MBD5: variants seen among roughly 807,000 people sequenced by gnomAD.
The protein encoded by MBD5 is methyl-CpG-binding domain protein 5.
In MBD5, 13 loss-of-function variants were observed where a neutral mutation model predicts 117.3. The observed-to-expected ratio is 0.11, with a 90% CI of 0.07 to 0.18. MBD5 has a LOEUF of 0.18. Among genes scored for constraint, MBD5 ranks in the 10% least tolerant of loss-of-function variants. The probability of loss-of-function intolerance (pLI) is 1.00; values close to 1 mark genes in which losing one functional copy is unlikely to be tolerated. For missense variants in MBD5, 1,879 were observed against 2,093.8 expected (o/e 0.90, Z 2.00); for synonymous variants, 727 against 766.4 (o/e 0.95, Z 0.85).
chr2:148,420,070 C>T (rs1574404866), intron 4 of MBD5, among the ~76,000 whole-genome samples: 2 of 152,268 alleles, frequency 1.3e-5, no homozygotes, highest in African/African-American at 4.8e-5. Context: ...CCCATTATGA[C>T]ATTAACCTTT....
At chr2:148,272,410 A>G (rs1211637425) in intron 3 of MBD5, among the ~76,000 whole-genome samples, 1 of 152,172 alleles carries the variant, frequency 6.6e-6, no homozygotes, top group Admixed American at 6.6e-5. Flanking sequence ...CAGTGTACAA[A>G]CATTCTCATT....
intron 3 of MBD5, among the ~76,000 whole-genome samples, chr2:148,281,226 T>G (rs1701238254): frequency 2.0e-5 from 3 of 152,214 alleles, no homozygotes; most frequent in African/African-American, 7.2e-5. Context: ...TGTTAAGGCC[T>G]GTATCCTACA....
chr2:148,407,493 G>A (rs1179027916), intron 4 of MBD5, among the ~76,000 whole-genome samples: 2 of 152,084 alleles, frequency 1.3e-5, no homozygotes, highest in African/African-American at 2.4e-5. Context: ...AATGCCTGAT[G>A]TAAAACCGTG....
At chr2:148,098,703 T>A (rs1696127289) in intron 1 of MBD5, among the ~76,000 whole-genome samples, 1 of 152,130 alleles carries the variant, frequency 6.6e-6, no homozygotes, top group Admixed American at 6.6e-5. Flanking sequence ...AGAAGTCCCG[T>A]GGTGATTCTA....
chr2:148,302,632 G>T (rs1644878446), intron 3 of MBD5, among the ~76,000 whole-genome samples: 1 of 151,368 alleles, frequency 6.6e-6, no homozygotes, highest in Non-Finnish European at 1.5e-5. Context: ...GTTTTTGTTT[G>T]TTTTTTTTCT....
intron 8 of MBD5, among the ~76,000 whole-genome samples, chr2:148,476,093 T>C (rs1680954501): frequency 6.6e-6 from 1 of 152,154 alleles, no homozygotes; most frequent in Non-Finnish European, 1.5e-5. Context: ...AAGTCCGTAT[T>C]ATCTATCCAA....
chr2:148,325,048 T>C lies in MBD5; in HGVS notation c.-679-17166T>C, dbSNP rs550975664. Reference sequence around the variant, plus strand: ...TGTTGAGAGTTTTTAGCATGAAGGGTTGTTGAATTTTGTCACAGGCCTTTT... The same window carrying C: ...TGTTGAGAGTTTTTAGCATGAAGGGCTGTTGAATTTTGTCACAGGCCTTTT... On this transcript the variant is annotated intron_variant, in intron 3 of 13. Coordinates refer to ENST00000642680, the MANE Select transcript of MBD5 (RefSeq NM_001378120.1). 3.9e-5 allele frequency among the ~76,000 whole-genome samples: 6 copies of C among 152,248 alleles called. No homozygotes were observed. The East Asian group carries it at 1.2e-3, about 29-fold the overall frequency.
intron 3 of MBD5, among the ~76,000 whole-genome samples, chr2:148,276,155 A>T (rs1701107805): frequency 6.6e-6 from 1 of 152,058 alleles, no homozygotes; most frequent in East Asian, 1.9e-4. Context: ...CTACCAAAAA[A>T]CAAACAAACA....
At chr2:148,218,967 T>C (rs1699620190) in intron 2 of MBD5, among the ~76,000 whole-genome samples, 1 of 152,156 alleles carries the variant, frequency 6.6e-6, no homozygotes, top group African/African-American at 2.4e-5. Flanking sequence ...ATTTTAAAAG[T>C]TTTTTTCTAC....
At chr2:148,062,061 CATG>C (rs1171405434) in intron 1 of MBD5, 1 of 151,586 alleles carries the variant, frequency 6.6e-6, no homozygotes, top group Non-Finnish European at 1.5e-5. Context: ...ATTGCATTGT[CATG>C]ATGTCTGAAA....
intron 1 of MBD5, among the ~76,000 whole-genome samples, chr2:148,022,087 T>TGGTA (rs1472072317): frequency 6.6e-6 from 1 of 152,220 alleles, no homozygotes; most frequent in African/African-American, 2.4e-5. Flanking sequence ...AAAGCTCCAC[T>TGGTA]GCATTTGTTT....
At chr2:148,491,510 T>A (rs1373178197) in intron 11 of MBD5, among the ~76,000 whole-genome samples, 1 of 151,980 alleles carries the variant, frequency 6.6e-6, no homozygotes, top group African/African-American at 2.4e-5. Flanking sequence ...TCGTAAAGAG[T>A]GTATTGTATA....
chr2:148,365,495 G>C (rs1703668923), intron 4 of MBD5, among the ~76,000 whole-genome samples: 1 of 151,950 alleles, frequency 6.6e-6, no homozygotes, highest in African/African-American at 2.4e-5. Flanking sequence ...GATCAGAGCA[G>C]AACTGAAGGA....
In MBD5 at chr2:148,490,435, C is replaced by A; in HGVS notation, c.4803C>A (p.Asp1601Glu). 1 of 1,614,192 alleles carries A rather than the reference C, an allele frequency of 6.2e-7. No individual in the cohort carries two copies. Reference sequence around the variant, plus strand: ...GTGAAGATGACCTAAGGAACCCAGACTCCCCCTCTTCAAATGAATTGATAC... The same window carrying A: ...GTGAAGATGACCTAAGGAACCCAGAATCCCCCTCTTCAAATGAATTGATAC... The part of the protein sequence containing the change: ...ISSEDDLRNP[D>E]SPSSNELIHY... The change falls in exon 11 of 14, where the codon GAC (aspartate) becomes GAA (glutamate). Residue 1601 changes from aspartate to glutamate, a missense_variant. Physicochemically the swap from Asp to Glu is conservative, Grantham distance 45. Transcript: ENST00000642680.
chr2:148,280,049 G>A (rs921032777), intron 3 of MBD5, among the ~76,000 whole-genome samples: 1 of 136,780 alleles, frequency 7.3e-6, no homozygotes, highest in African/African-American at 2.8e-5. Flanking sequence ...ATTTCTCTTG[G>A]TTGCTTCTGC....
chr2:148,378,081 C>A (rs1704040011), intron 4 of MBD5, among the ~76,000 whole-genome samples: 1 of 152,022 alleles, frequency 6.6e-6, no homozygotes, highest in Non-Finnish European at 1.5e-5. Flanking sequence ...TTTTGTAATT[C>A]AGAGTATATG....
chr2:148,235,063 A>G (rs1319855936), intron 3 of MBD5, among the ~76,000 whole-genome samples: 1 of 152,140 alleles, frequency 6.6e-6, no homozygotes, highest in Non-Finnish European at 1.5e-5. Context: ...GAAATAGTGC[A>G]GTTTTTGCAT....
chr2:148,418,501 G>A (rs543792379), intron 4 of MBD5, among the ~76,000 whole-genome samples: 4 of 152,200 alleles, frequency 2.6e-5, no homozygotes, highest in Admixed American at 2.0e-4. Flanking sequence ...AAGACTCCTA[G>A]ATTTAAAAAA....
chr2:148,260,262 A>G (rs1401056065), intron 3 of MBD5, among the ~76,000 whole-genome samples: 5 of 152,212 alleles, frequency 3.3e-5, no homozygotes, highest in Non-Finnish European at 7.3e-5. Flanking sequence ...TTGTCATTTC[A>G]ACAATGTTCA....
Sources: allele counts gnomAD v4.1 joint callset (sites outside exome capture counted in the v4.1 genomes callset), GRCh38; gene constraint gnomAD v4.1.1; transcripts MANE v1.5; gene names NCBI Gene and HGNC (gene_info 2026-07-23, HGNC 2026-07-21).